ITGA6: variants seen among roughly 807,000 people sequenced by gnomAD.
ITGA6 encodes the protein integrin subunit alpha 6.
A neutral mutation model predicts 133.6 loss-of-function variants in ITGA6; 63 were observed. The observed-to-expected ratio is 0.47, with a 90% CI of 0.38 to 0.58. The LOEUF (loss-of-function observed/expected upper bound fraction) is 0.58, where lower values mean the gene tolerates loss of function less well. Among genes scored for constraint, ITGA6 ranks in the 20% least tolerant of loss-of-function variants. ITGA6 has a pLI of 0.00. For synonymous variants in ITGA6, 434 were observed against 482.0 expected (o/e 0.90, Z 1.30); for missense variants, 1,068 against 1,309.4 (o/e 0.82, Z 2.85).
chr2:172,442,831 G>A lies in ITGA6; in HGVS notation c.182+14861G>A, dbSNP rs887118478. ...ACATAAAGAGAGCATGTGTGAGCTTGTTTTATGCAATTACAAGGTTTGCTT... is the reference window on the plus strand; with the variant it reads ...ACATAAAGAGAGCATGTGTGAGCTTATTTTATGCAATTACAAGGTTTGCTT... On this transcript the variant is annotated intron_variant, in intron 1 of 25. Transcript: ENST00000684293. 4.0e-5 allele frequency among the ~76,000 whole-genome samples: 6 copies of A among 151,706 alleles called. No homozygotes were observed. The East Asian group carries it at 1.2e-3, about 29-fold the overall frequency.
chr2:172,504,219 C>G lies in ITGA6; in HGVS notation c.*151C>G, dbSNP rs767416687. The G allele has an allele frequency of 2.0e-5, 31 of 1,580,476 alleles. No homozygotes were observed. The highest frequency in any genetic ancestry group is 2.4e-5 in the Non-Finnish European group (28 of 1,162,432). ...ATAACCTTGAAAAAAAACAGTGGAT[C>G]ACAAAGTGGAACGAAAATGAAAGCT... On this transcript the variant is annotated 3_prime_UTR_variant, in exon 26 of 26. Transcript: ENST00000684293.
chr2:172,462,435 C>G (rs1685466995), intron 1 of ITGA6, among the ~76,000 whole-genome samples: 2 of 152,228 alleles, frequency 1.3e-5, no homozygotes, highest in Admixed American at 1.3e-4. Flanking sequence ...TTGCAGGTCT[C>G]TTTTCGAATC....
intron 1 of ITGA6, among the ~76,000 whole-genome samples, chr2:172,445,864 AG>A (rs1684748492): frequency 6.6e-6 from 1 of 152,198 alleles, no homozygotes; most frequent in Non-Finnish European, 1.5e-5. Context: ...AAAGGAGCAA[AG>A]AACAGAGCCA....
chr2:172,433,348 T>G (rs1194963486), intron 1 of ITGA6, among the ~76,000 whole-genome samples: 3 of 152,210 alleles, frequency 2.0e-5, no homozygotes, highest in Non-Finnish European at 4.4e-5. Flanking sequence ...TCTTAAAGTC[T>G]TCTTCGTTTG....
intron 13 of ITGA6, among the ~76,000 whole-genome samples, chr2:172,485,766 T>C (rs2701270): frequency 0.21 from 31,380 of 152,064 alleles, 4,628 homozygotes; most frequent in African/African-American, 0.42. Context: ...AGATGGCCTG[T>C]GGGATACCTC....
intron 1 of ITGA6, chr2:172,464,483 G>C (rs1050186502): frequency 6.6e-6 from 1 of 152,206 alleles, no homozygotes; most frequent in Non-Finnish European, 1.5e-5. Context: ...CTCAGCTCTT[G>C]GTTTATCTCT....
At chr2:172,448,927 G>A (rs551491086) in intron 1 of ITGA6, among the ~76,000 whole-genome samples, 1 of 152,206 alleles carries the variant, frequency 6.6e-6, no homozygotes, top group South Asian at 2.1e-4. Flanking sequence ...CCTTGGAGAT[G>A]ATGAAACTTG....
chr2:172,480,097 G>C, intron 11 of ITGA6, 46 bp downstream of exon 11: 1 of 1,121,060 alleles, frequency 8.9e-7, no homozygotes. Context: ...CTGTCTGCCA[G>C]GTTGAAAGTT....
chr2:172,490,335 A>G (rs548136408), intron 20 of ITGA6, among the ~76,000 whole-genome samples: 5 of 152,242 alleles, frequency 3.3e-5, no homozygotes, highest in South Asian at 2.1e-4. Context: ...CCCTCTCTCT[A>G]TACTGCTCCA....
chr2:172,477,522 A>T (rs1344645665), intron 9 of ITGA6, among the ~76,000 whole-genome samples: 8 of 152,116 alleles, frequency 5.3e-5, no homozygotes, highest in African/African-American at 1.9e-4. Flanking sequence ...CTGCTGTCTA[A>T]TCTGGTTTTT....
At chr2:172,462,922 C>T (rs1685492986) in intron 1 of ITGA6, among the ~76,000 whole-genome samples, 1 of 152,206 alleles carries the variant, frequency 6.6e-6, no homozygotes, top group Non-Finnish European at 1.5e-5. Context: ...CTGGCTCCTT[C>T]CCTTGCAGCC....
chr2:172,476,920 C>T (rs1398225312), intron 9 of ITGA6, among the ~76,000 whole-genome samples: 2 of 152,124 alleles, frequency 1.3e-5, no homozygotes, highest in Non-Finnish European at 2.9e-5. Context: ...AAAATTAAGA[C>T]CATAATTGTG....
At chr2:172,494,006 C>G (rs17739946) in intron 23 of ITGA6, among the ~76,000 whole-genome samples, 21,453 of 152,104 alleles carry the variant, frequency 0.14, 1,662 homozygotes, top group Non-Finnish European at 0.17. Context: ...ATATCTAGAA[C>G]CCATGTCTTT....
At position 172,457,841 on chromosome 2, in the gene ITGA6, A is replaced by G. The variant is rs540037172; in HGVS notation, c.183-7698A>G. ...TGGTTCCAGATGGCAAACTAGGTAT[A>G]TGGTTTTGCTTCCTGGCTCCTCAAG... On this transcript the variant is annotated intron_variant, in intron 1 of 25. Coordinates refer to ENST00000684293, the MANE Select transcript of ITGA6 (RefSeq NM_000210.4). Among the ~76,000 whole-genome samples, 3 of 152,272 alleles carry G rather than the reference A, an allele frequency of 2.0e-5. No individual in the cohort carries two copies. In the East Asian group the frequency reaches 5.8e-4, roughly 29 times the overall value.
intron 25 of ITGA6, among the ~76,000 whole-genome samples, chr2:172,503,255 T>C (rs1687421766): frequency 6.6e-6 from 1 of 152,112 alleles, no homozygotes; most frequent in African/African-American, 2.4e-5. Context: ...AAATTTAATC[T>C]CAATTCAAAT....
chr2:172,487,344 A>C lies in ITGA6; in HGVS notation c.2051A>C (p.Asn684Thr), dbSNP rs1311470620. 15 of 1,614,158 alleles carry C rather than the reference A, an allele frequency of 9.3e-6. No individual in the cohort carries two copies. Among genetic ancestry groups the C allele is most frequent in the Non-Finnish European group, 1.3e-5 (15 of 1,179,960 alleles). ...LEITVTNSPS[N>T]PRNPTKDGDD... ...ATAACAGTGACAAACAGCCCTTCCA[A>C]CCCAAGGAATCCCACAAAAGATGGC... The change falls in exon 15 of 26, where the codon AAC (asparagine) becomes ACC (threonine). Residue 684 changes from asparagine (N) to threonine (T), a missense_variant. By Grantham distance (65) the Asn-to-Thr change is moderately conservative (BLOSUM62 0). Coordinates refer to ENST00000684293, the MANE Select transcript of ITGA6 (RefSeq NM_000210.4).
intron 1 of ITGA6, among the ~76,000 whole-genome samples, chr2:172,432,567 C>T (rs1202314359): frequency 6.6e-6 from 1 of 152,346 alleles, no homozygotes; most frequent in South Asian, 2.1e-4. Context: ...CTTGCTCAGG[C>T]CTTGGTGTCT....
At chr2:172,456,710 T>G (rs530182411) in intron 1 of ITGA6, among the ~76,000 whole-genome samples, 1 of 152,332 alleles carries the variant, frequency 6.6e-6, no homozygotes, top group African/African-American at 2.4e-5. Context: ...CTTGCTAGCA[T>G]ATGTCTGTGC....
At chr2:172,454,683 A>G (rs1377995221) in intron 1 of ITGA6, among the ~76,000 whole-genome samples, 1 of 152,196 alleles carries the variant, frequency 6.6e-6, no homozygotes, top group East Asian at 1.9e-4. Context: ...ACCTGCTGCT[A>G]CATTAGGTTA....
Sources: allele counts gnomAD v4.1 joint callset (sites outside exome capture counted in the v4.1 genomes callset), GRCh38; gene constraint gnomAD v4.1.1; transcripts MANE v1.5; gene names NCBI Gene and HGNC (gene_info 2026-07-23, HGNC 2026-07-21).